TMEM163: variants seen among roughly 807,000 people sequenced by gnomAD.
TMEM163 encodes transmembrane protein 163.
Under a neutral mutation model 29.3 loss-of-function variants are expected in TMEM163, and 17 were observed. The ratio of observed to expected loss-of-function variants is 0.58; its 90% confidence interval spans 0.40 to 0.87. The LOEUF (loss-of-function observed/expected upper bound fraction) is 0.87. Among genes scored for constraint, TMEM163 ranks in the 40% least tolerant of loss-of-function variants. The pLI is 0.00. For missense variants in TMEM163, 303 were observed against 381.5 expected, an observed-to-expected ratio of 0.79 and a Z score of 1.71; for synonymous variants, 157 against 160.6, an observed-to-expected ratio of 0.98 and a Z score of 0.17.
chr2:134,470,667 C>A (rs572486378), intron 5 of TMEM163, among the ~76,000 whole-genome samples: 2 of 152,168 alleles, frequency 1.3e-5, no homozygotes, highest in Non-Finnish European at 2.9e-5. Flanking sequence ...ATGAACCCTG[C>A]GGAGGAACCC....
intron 2 of TMEM163, among the ~76,000 whole-genome samples, chr2:134,580,938 G>A (rs553038588): frequency 1.3e-5 from 2 of 152,296 alleles, no homozygotes; most frequent in South Asian, 4.1e-4. Context: ...TAGGACAGGA[G>A]CAAGATGTGG....
intron 2 of TMEM163, among the ~76,000 whole-genome samples, chr2:134,701,363 G>A (rs975466957): frequency 1.3e-5 from 2 of 152,122 alleles, no homozygotes; most frequent in African/African-American, 4.8e-5. Flanking sequence ...TACACCTCAG[G>A]ACACCCAATA....
At chr2:134,599,464 T>C (rs1682174083) in intron 2 of TMEM163, among the ~76,000 whole-genome samples, 1 of 152,012 alleles carries the variant, frequency 6.6e-6, no homozygotes, top group South Asian at 2.1e-4. Flanking sequence ...CTTTCCACCA[T>C]GGGAGGATAC....
intron 2 of TMEM163, among the ~76,000 whole-genome samples, chr2:134,658,840 G>A (rs997022751): frequency 3.3e-5 from 5 of 152,016 alleles, no homozygotes; most frequent in Non-Finnish European, 7.4e-5. Context: ...CTCGTGATCC[G>A]CCCTCCTCAG....
intron 5 of TMEM163, among the ~76,000 whole-genome samples, chr2:134,484,169 C>T (rs1679263845): frequency 6.6e-6 from 1 of 152,028 alleles, no homozygotes. Context: ...TTTGGCAAAA[C>T]CAGGACTGAA....
chr2:134,493,330 AT>A (rs2106483251), intron 5 of TMEM163, among the ~76,000 whole-genome samples: 1 of 82,990 alleles, frequency 1.2e-5, no homozygotes, highest in Non-Finnish European at 2.5e-5. Flanking sequence ...CCAATTTTCA[AT>A]TTTTTGACTT....
At chr2:134,461,217 G>A (rs1276456360) in intron 6 of TMEM163, among the ~76,000 whole-genome samples, 1 of 152,236 alleles carries the variant, frequency 6.6e-6, no homozygotes, top group Non-Finnish European at 1.5e-5. Flanking sequence ...TGATGGCTGA[G>A]GCCATCCTGA....
At chr2:134,573,809 C>A (rs1170107274) in intron 2 of TMEM163, among the ~76,000 whole-genome samples, 3 of 152,216 alleles carry the variant, frequency 2.0e-5, no homozygotes, top group South Asian at 2.1e-4. Context: ...TTGCATTCTG[C>A]AACACTTCAA....
chr2:134,521,758 G>A (rs973426865), intron 4 of TMEM163, among the ~76,000 whole-genome samples: 1 of 152,132 alleles, frequency 6.6e-6, no homozygotes, highest in Non-Finnish European at 1.5e-5. Flanking sequence ...CATCAACTTC[G>A]CTGAAGAGCA....
intron 3 of TMEM163, among the ~76,000 whole-genome samples, chr2:134,551,282 T>G (rs1340153408): frequency 6.6e-6 from 1 of 151,952 alleles, no homozygotes; most frequent in African/African-American, 2.4e-5. Context: ...TGTCTGGGTG[T>G]GTGTGTGTGT....
chr2:134,512,919 G>A (rs896779402), intron 4 of TMEM163, among the ~76,000 whole-genome samples: 2 of 152,184 alleles, frequency 1.3e-5, no homozygotes, highest in Non-Finnish European at 2.9e-5. Context: ...GCCAGGTGAA[G>A]GTGTGACAAA....
intron 6 of TMEM163, among the ~76,000 whole-genome samples, chr2:134,465,198 A>AAAAAAAC (rs1352256515): frequency 2.1e-5 from 3 of 144,362 alleles, no homozygotes; most frequent in Non-Finnish European, 3.0e-5. Context: ...TTAAAAAAAA[A>AAAAAAAC]AAAAACAAAA....
intron 2 of TMEM163, among the ~76,000 whole-genome samples, chr2:134,552,556 T>C (rs1027017478): frequency 2.0e-5 from 3 of 152,128 alleles, no homozygotes; most frequent in Non-Finnish European, 4.4e-5. Context: ...GTAACAGTTG[T>C]TTAGAAAAGA....
chr2:134,656,734 C>G (rs554520402), intron 2 of TMEM163, among the ~76,000 whole-genome samples: 2 of 152,316 alleles, frequency 1.3e-5, no homozygotes, highest in South Asian at 4.1e-4. Context: ...GTGGGTATGT[C>G]ATAGATGGCT....
chr2:134,584,636 T>TTA (rs1338402012), intron 2 of TMEM163, among the ~76,000 whole-genome samples: 3 of 126,952 alleles, frequency 2.4e-5, no homozygotes, highest in Non-Finnish European at 5.0e-5. Flanking sequence ...AAATTTCTAG[T>TTA]AAAAAAAAAA....
At chr2:134,655,891 G>A (rs1683594813) in intron 2 of TMEM163, among the ~76,000 whole-genome samples, 1 of 141,966 alleles carries the variant, frequency 7.0e-6, no homozygotes, top group Non-Finnish European at 1.5e-5. Flanking sequence ...CACTTGAGGA[G>A]GCAGTCTGCC....
chr2:134,656,298 G>C (rs569380511), intron 2 of TMEM163, among the ~76,000 whole-genome samples: 39 of 151,592 alleles, frequency 2.6e-4, no homozygotes, highest in African/African-American at 9.3e-4. Context: ...TCGGGTGGGA[G>C]TGACCCGATT....
At chr2:134,605,245 G>A (rs1394337239) in intron 2 of TMEM163, among the ~76,000 whole-genome samples, 1 of 151,456 alleles carries the variant, frequency 6.6e-6, no homozygotes, top group East Asian at 1.9e-4. Context: ...GGGGCCTTCT[G>A]ATTGAGCATA....
At chr2:134,660,969 T>C (rs147486716) in intron 2 of TMEM163, among the ~76,000 whole-genome samples, 385 of 152,236 alleles carry the variant, frequency 2.5e-3, no homozygotes, top group African/African-American at 8.6e-3. Flanking sequence ...TGTTGGGAGG[T>C]GGGGCCTTTA....
Sources: allele counts gnomAD v4.1 joint callset (sites outside exome capture counted in the v4.1 genomes callset), GRCh38; gene constraint gnomAD v4.1.1; transcripts MANE v1.5; gene names NCBI Gene and HGNC (gene_info 2026-07-23, HGNC 2026-07-21).